Variants in ZNF517 observed in about 807,000 individuals in gnomAD.
ZNF517 encodes the protein zinc finger protein 517.
Under a neutral mutation model 12.1 loss-of-function variants are expected in ZNF517, and 12 were observed. The ratio of observed to expected loss-of-function variants is 0.99; its 90% confidence interval spans 0.63 to 1.61. The LOEUF (loss-of-function observed/expected upper bound fraction) is 1.61. Ranked by LOEUF, ZNF517 falls within the 40% of genes most tolerant of loss-of-function variation. The pLI is 0.00. For synonymous variants in ZNF517, 388 were observed against 310.2 expected (o/e 1.25, Z -2.63); for missense variants, 781 against 693.2 (o/e 1.13, Z -1.42).
At chr8:144,805,088 A>G (rs998040003) in intron 4 of ZNF517, among the ~76,000 whole-genome samples, 4 of 152,224 alleles carry the variant, frequency 2.6e-5, no homozygotes, top group Non-Finnish European at 2.9e-5. Flanking sequence ...CTCCCTTTCC[A>G]GGTCTGCTAT....
Position 144,803,700 on chromosome 8 carries a change from G to T in ZNF517, c.93G>T (p.Leu31=). The T allele has an allele frequency of 1.2e-6, 2 of 1,614,174 alleles. No homozygotes were observed. Among genetic ancestry groups the T allele is most frequent in the Non-Finnish European group, 1.7e-6 (2 of 1,180,012 alleles). Reference sequence around the variant, plus strand: ...TCACAAGGATAGAGTGGAGTTGCCTGGCCCCCGACCAGCAGGCACTCTACA... The same window carrying T: ...TCACAAGGATAGAGTGGAGTTGCCTTGCCCCCGACCAGCAGGCACTCTACA... ...VYFTRIEWSC[L]APDQQALYRD... is the part of the protein sequence containing the mutation. The change falls in exon 3 of 5, where the codon CTG becomes CTT. Residue 31 remains leucine, a synonymous_variant. Coordinates refer to ENST00000359971, the MANE Select transcript of ZNF517 (RefSeq NM_213605.3).
intron 2 of ZNF517, 165 bp downstream of exon 2, chr8:144,803,112 A>G (rs748476325): frequency 1.6e-4 from 132 of 838,608 alleles, no homozygotes; most frequent in Non-Finnish European, 2.2e-4. Flanking sequence ...GGCCTCACAC[A>G]TGGCTCTGCC....
chr8:144,810,417 G>A, downstream of ZNF517: 1 of 422,750 alleles, frequency 2.4e-6, no homozygotes, highest in Non-Finnish European at 4.2e-6. Context: ...GCCATGGGAA[G>A]CCTGGCCCTG....
At chr8:144,799,831 T>TCGGGAGGCTGAGG (rs1387066925) in intron 1 of ZNF517, among the ~76,000 whole-genome samples, 1 of 152,142 alleles carries the variant, frequency 6.6e-6, no homozygotes, top group African/African-American at 2.4e-5. Flanking sequence ...TCCCAGCTAC[T>TCGGGAGGCTGAGG]CGGGAGGCTG....
At chr8:144,799,737 G>A (rs895116904) in intron 1 of ZNF517, among the ~76,000 whole-genome samples, 1 of 151,870 alleles carries the variant, frequency 6.6e-6, no homozygotes, top group Admixed American at 6.6e-5. Flanking sequence ...TCAGGAGATC[G>A]AGACCATCCT....
In ZNF517 at chr8:144,806,317, A is replaced by T. The variant is rs2955221; in HGVS notation, c.275-874A>T. ...TCTGAAGGAGAGAGGAGTAAAGAAC[A>T]TGGCTGTGGGGTGAGGTACAACTTG... On this transcript the variant is annotated intron_variant, in intron 4 of 4. Coordinates refer to ENST00000359971, the MANE Select transcript of ZNF517 (RefSeq NM_213605.3). 5.8e-4 allele frequency among the ~76,000 whole-genome samples: 88 copies of T among 152,162 alleles called. 2 individuals carry two copies. Among genetic ancestry groups the T allele is most frequent in the Non-Finnish European group, 9.9e-4 (67 of 67,988 alleles).
In ZNF517 at chr8:144,807,615, C is replaced by G. The variant is rs771671965; in HGVS notation, c.699C>G (p.Phe233Leu). 6.2e-7 allele frequency: 1 copy of G among 1,609,636 alleles called. No homozygotes were observed. ...HQLIHTEEKP[F>L]QCGECGKAFR... ...TGATCCACACTGAGGAGAAGCCGTT[C>G]CAGTGCGGCGAGTGCGGGAAGGCCT... Residue 233 changes from phenylalanine to leucine, a missense_variant, in exon 5 of 5, where the codon TTC becomes TTG. Transcript: ENST00000359971.
In ZNF517 at chr8:144,807,868, C is replaced by CGGTGCCTGCGGTGT; in HGVS notation, c.955_968dup (p.Gln324AlafsTer15). 6.4e-7 allele frequency: 1 copy of CGGTGCCTGCGGTGT among 1,569,714 alleles called. No individual in the cohort carries two copies. The highest frequency in any genetic ancestry group is 1.2e-5 in the South Asian group (1 of 84,470). The stretch of plus-strand genomic sequence containing the variant: ...CATCCACAGCGGGGAGCGGCCCTAC[C>CGGTGCCTGCGGTGT]GGTGCCTGCGGTGTGGGCAGCGCTT... On this transcript the variant is annotated frameshift_variant, in exon 5 of 5. Transcript: ENST00000359971. LOFTEE classifies it low-confidence loss of function (END_TRUNC).
chr8:144,812,750 T>C (rs1827594439), downstream of ZNF517, among the ~76,000 whole-genome samples: 2 of 152,196 alleles, frequency 1.3e-5, no homozygotes, highest in Admixed American at 1.3e-4. Flanking sequence ...CAGAGCAGCC[T>C]GGTAAGAGAA....
intron 4 of ZNF517, among the ~76,000 whole-genome samples, chr8:144,806,136 T>C (rs1377284502): frequency 6.6e-6 from 1 of 152,248 alleles, no homozygotes; most frequent in East Asian, 1.9e-4. Flanking sequence ...CCTGGTTCCC[T>C]ATGGCCCATG....
chr8:144,807,043 G>C (rs1169612042), intron 4 of ZNF517, 148 bp from the exon 5 acceptor site: 3 of 1,061,326 alleles, frequency 2.8e-6, no homozygotes, highest in South Asian at 4.1e-5. Flanking sequence ...TCAGCCTCCT[G>C]TATACAAGTT....
chr8:144,802,506 T>C (rs927282369), intron 1 of ZNF517, among the ~76,000 whole-genome samples: 2 of 152,204 alleles, frequency 1.3e-5, no homozygotes, highest in Admixed American at 6.5e-5. Flanking sequence ...CCTTGTCTAA[T>C]TGGGGAAGGC....
downstream of ZNF517, chr8:144,810,176 GAA>G: frequency 1.4e-6 from 1 of 699,166 alleles, no homozygotes. Context: ...GGCCAGGAGA[GAA>G]GGGTGTGGCC....
At chr8:144,800,076 C>T (rs1348447549) in intron 1 of ZNF517, among the ~76,000 whole-genome samples, 1 of 152,090 alleles carries the variant, frequency 6.6e-6, no homozygotes, top group Non-Finnish European at 1.5e-5. Flanking sequence ...GCGTAGTGAG[C>T]CGGGTGCCCC....
In ZNF517 at chr8:144,803,600, C is replaced by A. The variant is rs202057408; in HGVS notation, c.34-41C>A. ...TGTTTCTCATCTGCTGGGTTCTCAC[C>A]GAGCCCTTGACTGCCTGGATAGCAG... On this transcript the variant is annotated intron_variant, in intron 2 of 4. Coordinates refer to ENST00000359971, the MANE Select transcript of ZNF517 (RefSeq NM_213605.3). 1.2e-6 allele frequency: 2 copies of A among 1,610,646 alleles called. No homozygotes were observed. The highest frequency in any genetic ancestry group is 3.3e-5 in the Admixed American group (2 of 59,778).
At chr8:144,810,179 G>C (rs1034484313), downstream of ZNF517, 5 of 699,050 alleles carry the variant, frequency 7.2e-6, no homozygotes, top group African/African-American at 8.7e-5. Context: ...CAGGAGAGAA[G>C]GGTGTGGCCG....
rs1827412657 is a variant in ZNF517 at position 144,808,508 on chromosome 8, G to A, written c.*113G>A. The A allele has an allele frequency of 7.6e-7, 1 of 1,323,284 alleles. No individual in the cohort carries two copies. The allele number at this position is 1,323,284 out of a possible 1,614,324, so 82.0% of individuals were successfully genotyped here. On this transcript the variant is annotated 3_prime_UTR_variant, in exon 5 of 5. Coordinates refer to ENST00000359971, the MANE Select transcript of ZNF517 (RefSeq NM_213605.3). ...GAAGGTGAAGCAAAGTCTAAAGAAA[G>A]GGCCAGCTCCCATCAGGAGCTCGGC... is the stretch of plus-strand genomic sequence containing the variant.
chr8:144,809,271 G>GC lies in ZNF517; in HGVS notation c.*878dup, dbSNP rs1227489398. On this transcript the variant is annotated 3_prime_UTR_variant, in exon 5 of 5. Coordinates refer to ENST00000359971, the MANE Select transcript of ZNF517 (RefSeq NM_213605.3). ...AATGGCACAATCATGGCTTACTGCA[G>GC]CCTCCAGCTCCCAGGCTCAAGCGTT... The GC allele has an allele frequency of 6.6e-6, 1 of 152,162 alleles. No individual in the cohort carries two copies. Among genetic ancestry groups the GC allele is most frequent in the Non-Finnish European group, 1.5e-5 (1 of 68,102 alleles). The allele number at this position is 152,162 out of a possible 1,614,324, so 9.4% of individuals were successfully genotyped here. A position where few individuals can be genotyped will look rare whatever the true frequency, so the allele number is the denominator to read the frequency against.
downstream of ZNF517, among the ~76,000 whole-genome samples, chr8:144,813,067 T>C (rs1277411312): frequency 6.6e-6 from 1 of 151,874 alleles, no homozygotes; most frequent in Non-Finnish European, 1.5e-5. Flanking sequence ...CCTGTAATAC[T>C]AACACTTTGG....
Sources: allele counts gnomAD v4.1 joint callset (sites outside exome capture counted in the v4.1 genomes callset), GRCh38; gene constraint gnomAD v4.1.1; transcripts MANE v1.5; gene names NCBI Gene and HGNC (gene_info 2026-07-23, HGNC 2026-07-21).